The following ZMYM2 variants were observed in gnomAD, a reference collection of about 807,000 sequenced individuals.
The protein encoded by ZMYM2 is zinc finger MYM-type protein 2.
ZMYM2 carries 56 observed loss-of-function variants against 162.8 expected under a neutral mutation model. That is an observed-to-expected ratio of 0.34 (90% CI 0.28 to 0.43). The LOEUF (loss-of-function observed/expected upper bound fraction) is 0.43, where lower values mean the gene tolerates loss of function less well. Among genes scored for constraint, ZMYM2 ranks in the 20% least tolerant of loss-of-function variants. ZMYM2 has a pLI of 1.00. For synonymous variants in ZMYM2, 510 were observed against 541.6 expected, an observed-to-expected ratio of 0.94 and a Z score of 0.81; for missense variants, 1,275 against 1,621.8, an observed-to-expected ratio of 0.79 and a Z score of 3.67.
the ZMYM2 span, among the ~76,000 whole-genome samples, chr13:19,886,361 T>C: frequency 3.3e-5 from 5 of 151,318 alleles, no homozygotes; most frequent in African/African-American, 7.3e-5. Flanking sequence ...GTGGGGTTTC[T>C]CCATGTTGGT....
chr13:19,987,499 G>A (rs1949254787), intron 2 of ZMYM2, among the ~76,000 whole-genome samples: 1 of 151,768 alleles, frequency 6.6e-6, no homozygotes, highest in Non-Finnish European at 1.5e-5. Context: ...TCATGACCTC[G>A]TGATCTGCCC....
chr13:20,062,577 A>G (rs140435765), intron 17 of ZMYM2, among the ~76,000 whole-genome samples: 7 of 152,324 alleles, frequency 4.6e-5, no homozygotes, highest in African/African-American at 1.7e-4. Context: ...TTGTTTTACT[A>G]TCAAAGCATA....
intron 5 of ZMYM2, among the ~76,000 whole-genome samples, chr13:20,005,675 C>G (rs1296820877): frequency 6.6e-6 from 1 of 152,098 alleles, no homozygotes; most frequent in Admixed American, 6.5e-5. Context: ...AAAAAGTAAT[C>G]TGTTTATATA....
upstream of ZMYM2, among the ~76,000 whole-genome samples, chr13:19,956,633 T>C (rs1374771874): frequency 1.3e-5 from 2 of 152,208 alleles, no homozygotes; most frequent in Admixed American, 1.3e-4. Flanking sequence ...ATACTATAAT[T>C]AGCACAGTTG....
At position 20,082,139 on chromosome 13, in the gene ZMYM2, A is replaced by G. The variant is rs1445844793; in HGVS notation, c.3568+9A>G. The G allele has an allele frequency of 1.9e-6, 3 of 1,563,526 alleles. No homozygotes were observed. Among genetic ancestry groups the G allele is most frequent in the Middle Eastern group, 1.7e-4 (1 of 5,974 alleles). The stretch of plus-strand genomic sequence containing the variant: ...AAGCATACTTCCAGATGGTAATGCT[A>G]TTTTCACTAAAGGTGTTGCTCTCTT... On this transcript the variant is annotated intron_variant, in intron 22 of 24. Coordinates refer to ENST00000610343, the MANE Select transcript of ZMYM2 (RefSeq NM_197968.4).
intron 2 of ZMYM2, among the ~76,000 whole-genome samples, chr13:19,970,238 G>A (rs1594080161): frequency 1.3e-5 from 2 of 152,266 alleles, no homozygotes; most frequent in African/African-American, 4.8e-5. Flanking sequence ...TGTAGTTGAA[G>A]TTTATTTATG....
At chr13:19,973,573 A>AG (rs1215971023) in intron 2 of ZMYM2, among the ~76,000 whole-genome samples, 4 of 148,828 alleles carry the variant, frequency 2.7e-5, no homozygotes, top group African/African-American at 5.0e-5. Context: ...TGAGAGGCTG[A>AG]GGCAGAAGAA....
intron 2 of ZMYM2, among the ~76,000 whole-genome samples, chr13:19,987,553 G>A (rs950427398): frequency 1.3e-5 from 2 of 151,388 alleles, no homozygotes; most frequent in Admixed American, 6.6e-5. Context: ...GTGAGGCACC[G>A]CACCCGGGCG....
chr13:20,041,961 T>C (rs1013102265), intron 12 of ZMYM2, among the ~76,000 whole-genome samples: 2 of 152,208 alleles, frequency 1.3e-5, no homozygotes, highest in Admixed American at 6.5e-5. Context: ...GTAGGTGACC[T>C]GACCTTTCTC....
intron 11 of ZMYM2, among the ~76,000 whole-genome samples, chr13:20,035,356 A>G (rs562537250): frequency 6.6e-6 from 1 of 152,326 alleles, no homozygotes; most frequent in South Asian, 2.1e-4. Flanking sequence ...TTATAAAACA[A>G]GGCATTCCTA....
the ZMYM2 span, among the ~76,000 whole-genome samples, chr13:19,899,038 C>T: frequency 2.6e-5 from 4 of 151,546 alleles, no homozygotes; most frequent in African/African-American, 7.3e-5. Flanking sequence ...CTGCAGCCTC[C>T]GCCTCCCGGG....
chr13:19,902,958 ACC>A, the ZMYM2 span, among the ~76,000 whole-genome samples: 3 of 151,900 alleles, frequency 2.0e-5, no homozygotes, highest in Non-Finnish European at 4.4e-5. Flanking sequence ...GGAGTTTGAG[ACC>A]AGCCTGACCA....
At chr13:19,987,507 C>G (rs1054746205) in intron 2 of ZMYM2, among the ~76,000 whole-genome samples, 3 of 151,748 alleles carry the variant, frequency 2.0e-5, no homozygotes, top group Non-Finnish European at 4.4e-5. Flanking sequence ...TCGTGATCTG[C>G]CCACCTGGGC....
At chr13:19,987,649 G>GTGTGTGTA (rs1566226866) in intron 2 of ZMYM2, among the ~76,000 whole-genome samples, 2 of 149,692 alleles carry the variant, frequency 1.3e-5, no homozygotes, top group Admixed American at 6.7e-5. Context: ...GTGTGTGTGT[G>GTGTGTGTA]TGTGTGTGTA....
chr13:19,948,838 CTG>C, the ZMYM2 span, among the ~76,000 whole-genome samples: 3 of 152,154 alleles, frequency 2.0e-5, no homozygotes, highest in African/African-American at 7.2e-5. Context: ...GAACCTAAAA[CTG>C]TTTTAAAAAA....
intron 3 of ZMYM2, among the ~76,000 whole-genome samples, chr13:19,995,017 A>G (rs1233915504): frequency 6.7e-6 from 1 of 149,210 alleles, no homozygotes; most frequent in East Asian, 2.0e-4. Context: ...AAAAAAAAAA[A>G]AATTATTTGT....
Position 19,993,499 on chromosome 13 carries a change from C to T in ZMYM2, c.427C>T (p.Pro143Ser). Reference protein sequence around the residue: ...KNSSNFIERRPPETKNRTNDV... With the variant: ...KNSSNFIERRSPETKNRTNDV... Reference sequence around the variant, plus strand: ...TTCCTCCAATTTTATTGAACGAAGACCTCCTGAGACTAAAAACAGAACCAA... The same window carrying T: ...TTCCTCCAATTTTATTGAACGAAGATCTCCTGAGACTAAAAACAGAACCAA... The change falls in exon 3 of 25, where the codon CCT becomes TCT. Residue 143 changes from proline to serine, a missense_variant. Transcript: ENST00000610343. The T allele has an allele frequency of 6.2e-7, 1 of 1,614,078 alleles. No homozygotes were observed.
intron 21 of ZMYM2, among the ~76,000 whole-genome samples, chr13:20,070,015 T>G (rs924787223): frequency 2.6e-5 from 4 of 152,146 alleles, no homozygotes; most frequent in African/African-American, 9.7e-5. Context: ...TGCTTCCATC[T>G]TAAGCATAAT....
intron 19 of ZMYM2, chr13:20,066,517 AAT>A (rs1239789849): frequency 5.3e-6 from 1 of 189,064 alleles, no homozygotes; most frequent in African/African-American, 2.3e-5. Flanking sequence ...AGCTAGAGAA[AAT>A]GTTATCAAGA....
Sources: gnomAD v4.1 joint callset for allele counts (sites outside exome capture counted in the v4.1 genomes callset) on GRCh38, gnomAD v4.1.1 for gene constraint, MANE v1.5 for transcripts, NCBI Gene and HGNC (gene_info 2026-07-23, HGNC 2026-07-21) for gene names.